The following NOS1AP variants were observed in gnomAD, a reference collection of about 807,000 sequenced individuals.
NOS1AP encodes carboxyl-terminal PDZ ligand of neuronal nitric oxide synthase protein.
NOS1AP carries 21 observed loss-of-function variants against 56.2 expected under a neutral mutation model. The observed-to-expected ratio is 0.37, with a 90% confidence interval of 0.26 to 0.54. The LOEUF is 0.54. Ranked by LOEUF, NOS1AP falls within the 20% of genes least tolerant of loss-of-function variation. NOS1AP has a pLI of 0.84. For synonymous variants in NOS1AP, 270 were observed against 274.6 expected, an observed-to-expected ratio of 0.98 and a Z score of 0.17; for missense variants, 522 against 657.8, an observed-to-expected ratio of 0.79 and a Z score of 2.26.
intron 1 of NOS1AP, among the ~76,000 whole-genome samples, chr1:162,073,305 T>C (rs1312076704): frequency 2.6e-5 from 4 of 152,232 alleles, no homozygotes; most frequent in African/African-American, 9.6e-5. Context: ...GGGCTTTGAC[T>C]TCAGACTCCC....
chr1:162,285,910 A>G (rs919843357), intron 2 of NOS1AP, among the ~76,000 whole-genome samples: 12 of 152,196 alleles, frequency 7.9e-5, no homozygotes, highest in African/African-American at 2.7e-4. Context: ...CTGTGACCAG[A>G]GCCTGCAATG....
intron 2 of NOS1AP, among the ~76,000 whole-genome samples, chr1:162,262,849 A>T (rs1654283947): frequency 6.6e-6 from 1 of 152,236 alleles, no homozygotes; most frequent in South Asian, 2.1e-4. Context: ...GTCAGTCACT[A>T]TTCTAATCTC....
rs1553210801 is a variant in NOS1AP at position 162,368,445 on chromosome 1, A to AAAAAAAG, written c.*987_*993dup. 5 of 150,284 alleles carry AAAAAAAG rather than the reference A, an allele frequency of 3.3e-5. No homozygotes were observed. Among genetic ancestry groups the AAAAAAAG allele is most frequent in the African/African-American group, 1.2e-4 (5 of 41,130 alleles). 9.3% of individuals were successfully genotyped at this position (150,284 alleles called of 1,614,324 possible). Reference sequence around the variant, plus strand: ...GGTGGTCAGTTTTTACTGCAAAAAAAAAAAAAGAAAAAAGAGAAAGAAAAA... The same window carrying AAAAAAAG: ...GGTGGTCAGTTTTTACTGCAAAAAAAAAAAAAGAAAAAAGAAAAAAGAGAAAGAAAAA... On this transcript the variant is annotated 3_prime_UTR_variant, in exon 10 of 10. Coordinates refer to ENST00000361897, the MANE Select transcript of NOS1AP (RefSeq NM_014697.3).
chr1:162,147,466 T>A (rs1242629908), intron 1 of NOS1AP, among the ~76,000 whole-genome samples: 1 of 152,102 alleles, frequency 6.6e-6, no homozygotes, highest in Non-Finnish European at 1.5e-5. Context: ...AGTCTATGGA[T>A]GGCAATTACA....
intron 2 of NOS1AP, among the ~76,000 whole-genome samples, chr1:162,257,222 G>A (rs914398939): frequency 6.6e-6 from 1 of 152,218 alleles, no homozygotes; most frequent in African/African-American, 2.4e-5. Context: ...GCATTGCCCA[G>A]AGCTTGCCAA....
chr1:162,344,176 A>G (rs530210274), intron 6 of NOS1AP, among the ~76,000 whole-genome samples, 200 bp downstream of exon 6: 33 of 152,372 alleles, frequency 2.2e-4, no homozygotes, highest in South Asian at 1.7e-3. Flanking sequence ...AAATTATTAA[A>G]TGAGGAAGTA....
At chr1:162,354,635 G>A (rs1335865002) in intron 6 of NOS1AP, among the ~76,000 whole-genome samples, 1 of 152,198 alleles carries the variant, frequency 6.6e-6, no homozygotes, top group African/African-American at 2.4e-5. Context: ...GGCTCTGAGG[G>A]CTGGGAGATT....
intron 1 of NOS1AP, among the ~76,000 whole-genome samples, chr1:162,111,063 A>G (rs2102040427): frequency 6.6e-6 from 1 of 152,346 alleles, no homozygotes; most frequent in South Asian, 2.1e-4. Flanking sequence ...ACTTACAACT[A>G]GTGAGTAAGA....
chr1:162,136,214 A>G (rs1371516982), intron 1 of NOS1AP, among the ~76,000 whole-genome samples: 1 of 152,186 alleles, frequency 6.6e-6, no homozygotes, highest in Non-Finnish European at 1.5e-5. Context: ...GAATTTGAAG[A>G]GGTATAATAA....
chr1:162,353,726 A>G (rs549495078), intron 6 of NOS1AP, among the ~76,000 whole-genome samples: 48 of 152,302 alleles, frequency 3.2e-4, no homozygotes, highest in African/African-American at 1.1e-3. Context: ...CTGATCACTG[A>G]TAGAAATTTC....
chr1:162,264,617 G>A (rs1177276704), intron 2 of NOS1AP, among the ~76,000 whole-genome samples: 2 of 149,076 alleles, frequency 1.3e-5, no homozygotes, highest in Non-Finnish European at 1.5e-5. Context: ...AGTGATTCTC[G>A]TGCCTCAGCC....
chr1:162,097,586 A>C (rs912374205), intron 1 of NOS1AP, among the ~76,000 whole-genome samples: 1 of 152,092 alleles, frequency 6.6e-6, no homozygotes, highest in African/African-American at 2.4e-5. Context: ...TTTTTTCTCT[A>C]TGTAGATAAC....
intron 2 of NOS1AP, among the ~76,000 whole-genome samples, chr1:162,160,035 T>C (rs1455194815): frequency 6.6e-6 from 1 of 152,190 alleles, no homozygotes; most frequent in African/African-American, 2.4e-5. Flanking sequence ...GATAGATCCC[T>C]GCAGTCGAAA....
At chr1:162,189,343 C>G (rs1322785969) in intron 2 of NOS1AP, among the ~76,000 whole-genome samples, 1 of 152,140 alleles carries the variant, frequency 6.6e-6, no homozygotes, top group Non-Finnish European at 1.5e-5. Context: ...TCATTTAGTT[C>G]TGCTAATTAT....
At chr1:162,076,816 C>T (rs925944655) in intron 1 of NOS1AP, among the ~76,000 whole-genome samples, 4 of 152,304 alleles carry the variant, frequency 2.6e-5, no homozygotes, top group East Asian at 3.9e-4. Context: ...TTTGCCTATT[C>T]GGGACATTTC....
intron 4 of NOS1AP, among the ~76,000 whole-genome samples, chr1:162,315,372 A>G (rs527955014): frequency 1.3e-5 from 2 of 152,324 alleles, no homozygotes; most frequent in Non-Finnish European, 2.9e-5. Flanking sequence ...ACACCTGTCT[A>G]GATACTGCCA....
chr1:162,152,667 C>A (rs1649767539), intron 1 of NOS1AP, among the ~76,000 whole-genome samples: 1 of 152,260 alleles, frequency 6.6e-6, no homozygotes, highest in South Asian at 2.1e-4. Flanking sequence ...CCCCTTGGGG[C>A]CAAACTGCAA....
intron 1 of NOS1AP, among the ~76,000 whole-genome samples, chr1:162,113,328 T>C (rs1647784501): frequency 6.6e-6 from 1 of 152,182 alleles, no homozygotes. Context: ...ACCTCAAGCC[T>C]GCAGAAGTGT....
chr1:162,277,501 T>C (rs7525680), intron 2 of NOS1AP, among the ~76,000 whole-genome samples: 66,137 of 151,656 alleles, frequency 0.44, 15,045 homozygotes, highest in East Asian at 0.73. Flanking sequence ...ATCTGGAACT[T>C]GTATTATCCT....
Sources: allele counts gnomAD v4.1 joint callset (sites outside exome capture counted in the v4.1 genomes callset), GRCh38; gene constraint gnomAD v4.1.1; transcripts MANE v1.5; gene names NCBI Gene and HGNC (gene_info 2026-07-23, HGNC 2026-07-21).